SNTG1: variants seen among roughly 807,000 people sequenced by gnomAD.
SNTG1 encodes syntrophin gamma 1.
In SNTG1, 39 loss-of-function variants were observed where a neutral mutation model predicts 74.7. That is an observed-to-expected ratio of 0.52 (90% CI 0.40 to 0.68). SNTG1 has a LOEUF of 0.68. Ranked by LOEUF, SNTG1 falls within the 30% of genes least tolerant of loss-of-function variation. The pLI is 0.00. For synonymous variants in SNTG1, 254 were observed against 217.1 expected (o/e 1.17, Z -1.49); for missense variants, 685 against 609.5 (o/e 1.12, Z -1.30).
chr8:49,936,110 T>C lies in SNTG1; in HGVS notation c.-103+23879T>C, dbSNP rs1457747861. On this transcript the variant is annotated intron_variant, in intron 1 of 18. Transcript: ENST00000642720. The stretch of plus-strand genomic sequence containing the variant: ...CACAGAGAGACTTATTCAGCAATTG[T>C]TGAGTTTCCAATATGCAAAGAACTA... 2.6e-5 allele frequency among the ~76,000 whole-genome samples: 4 copies of C among 152,320 alleles called. No individual in the cohort carries two copies. The East Asian group carries it at 7.7e-4, about 29-fold the overall frequency.
intron 1 of SNTG1, among the ~76,000 whole-genome samples, chr8:50,026,561 A>G (rs2130720180): frequency 6.6e-6 from 1 of 152,288 alleles, no homozygotes; most frequent in Non-Finnish European, 1.5e-5. Context: ...GTTGCACGAG[A>G]GACATTTATG....
chr8:49,990,468 C>T (rs1229406257), intron 1 of SNTG1, among the ~76,000 whole-genome samples: 1 of 151,552 alleles, frequency 6.6e-6, no homozygotes, highest in East Asian at 1.9e-4. Context: ...CCAGAATAAC[C>T]AAAAAAATCC....
chr8:50,347,571 T>C (rs1435690124), intron 2 of SNTG1, among the ~76,000 whole-genome samples: 1 of 152,192 alleles, frequency 6.6e-6, no homozygotes, highest in Non-Finnish European at 1.5e-5. Flanking sequence ...ATTTATGAAA[T>C]ACATTTATTA....
chr8:50,346,055 G>A (rs370854192), intron 2 of SNTG1, among the ~76,000 whole-genome samples: 7 of 152,172 alleles, frequency 4.6e-5, no homozygotes, highest in African/African-American at 7.2e-5. Flanking sequence ...GCAGGATGAC[G>A]GGCCATAATG....
chr8:50,691,271 G>A (rs1259055457), intron 15 of SNTG1, among the ~76,000 whole-genome samples: 5 of 152,130 alleles, frequency 3.3e-5, no homozygotes. Context: ...ATTGTTATGT[G>A]TGTATTTGAT....
chr8:50,550,379 A>T (rs2094417605), intron 11 of SNTG1, among the ~76,000 whole-genome samples: 1 of 152,222 alleles, frequency 6.6e-6, no homozygotes, highest in South Asian at 2.1e-4. Context: ...GGTAAAATCA[A>T]CAATGAATCA....
chr8:50,603,107 C>T (rs573721826), intron 13 of SNTG1, among the ~76,000 whole-genome samples: 1 of 152,256 alleles, frequency 6.6e-6, no homozygotes, highest in East Asian at 1.9e-4. Flanking sequence ...ACTTTCCACT[C>T]TTATCTCTTT....
chr8:50,309,024 T>C (rs1240946585), intron 2 of SNTG1, among the ~76,000 whole-genome samples: 1 of 152,160 alleles, frequency 6.6e-6, no homozygotes, highest in Non-Finnish European at 1.5e-5. Flanking sequence ...CAAATGTGTC[T>C]TCCCAAATTC....
intron 2 of SNTG1, among the ~76,000 whole-genome samples, chr8:50,183,683 C>G (rs181548250): frequency 6.6e-6 from 1 of 152,208 alleles, no homozygotes; most frequent in East Asian, 1.9e-4. Flanking sequence ...TCTGCTTCCC[C>G]AAGTAGCAAA....
intron 4 of SNTG1, among the ~76,000 whole-genome samples, chr8:50,422,339 T>TCATAC (rs59903087): frequency 1.3e-5 from 2 of 151,666 alleles, no homozygotes; most frequent in Admixed American, 6.6e-5. Flanking sequence ...AAAAGATATA[T>TCATAC]AGAAGGACTC....
intron 1 of SNTG1, among the ~76,000 whole-genome samples, chr8:50,157,827 GA>G (rs1351529127): frequency 1.3e-5 from 2 of 152,034 alleles, no homozygotes; most frequent in Non-Finnish European, 2.9e-5. Flanking sequence ...TGAAAATAAA[GA>G]AATCCATAGA....
chr8:50,139,887 A>G (rs2081599225), intron 1 of SNTG1, among the ~76,000 whole-genome samples: 1 of 152,246 alleles, frequency 6.6e-6, no homozygotes, highest in Non-Finnish European at 1.5e-5. Flanking sequence ...ACTCTTAGTG[A>G]TGAGTAAACT....
chr8:50,009,123 C>T (rs967911721), intron 1 of SNTG1, among the ~76,000 whole-genome samples: 3 of 152,096 alleles, frequency 2.0e-5, no homozygotes, highest in African/African-American at 7.2e-5. Flanking sequence ...TCAGACTTTG[C>T]TAAAGTACCA....
At chr8:50,070,800 T>A (rs920452759) in intron 1 of SNTG1, among the ~76,000 whole-genome samples, 1 of 152,186 alleles carries the variant, frequency 6.6e-6, no homozygotes, top group Admixed American at 6.5e-5. Context: ...AGGCAAGGCA[T>A]TCTCAGTCAG....
At chr8:49,981,107 T>A (rs557954375) in intron 1 of SNTG1, among the ~76,000 whole-genome samples, 2 of 152,254 alleles carry the variant, frequency 1.3e-5, no homozygotes, top group South Asian at 4.1e-4. Flanking sequence ...AAACATTGAA[T>A]TGAATCTCCT....
chr8:50,288,763 G>A (rs569669121), intron 2 of SNTG1, among the ~76,000 whole-genome samples: 2 of 152,188 alleles, frequency 1.3e-5, no homozygotes, highest in South Asian at 2.1e-4. Context: ...TGACATGTGA[G>A]GCTATTTTTG....
intron 18 of SNTG1, among the ~76,000 whole-genome samples, chr8:50,791,455 G>A (rs2095690414): frequency 1.3e-5 from 2 of 151,890 alleles, no homozygotes; most frequent in South Asian, 2.1e-4. Flanking sequence ...ATATTATAGG[G>A]ACACCTGAAT....
rs1176419931 is a variant in SNTG1, at chr8:50,370,922, T to C, written c.-27-23290T>C. 2.0e-5 allele frequency among the ~76,000 whole-genome samples: 3 copies of C among 152,182 alleles called. 1 individual carries two copies. In the East Asian group the frequency reaches 5.8e-4, roughly 29 times the overall value. On this transcript the variant is annotated intron_variant, in intron 2 of 18. Coordinates refer to ENST00000642720, the MANE Select transcript of SNTG1 (RefSeq NM_018967.5). ...TTGGATCAGGCCGAATTTATTGCTA[T>C]GATCTCCCTAAGCTGAGATTCTATT...
intron 18 of SNTG1, among the ~76,000 whole-genome samples, chr8:50,759,956 T>C (rs948656608): frequency 3.3e-5 from 5 of 152,138 alleles, no homozygotes; most frequent in African/African-American, 1.2e-4. Flanking sequence ...TTTCATGATA[T>C]TGATTTTTTC....
Sources: gnomAD v4.1 joint callset for allele counts (sites outside exome capture counted in the v4.1 genomes callset) on GRCh38, gnomAD v4.1.1 for gene constraint, MANE v1.5 for transcripts, NCBI Gene and HGNC (gene_info 2026-07-23, HGNC 2026-07-21) for gene names.